Variants in TMEM35B observed in about 807,000 individuals in gnomAD.
TMEM35B encodes transmembrane protein 35B.
A neutral mutation model predicts 8.7 loss-of-function variants in TMEM35B; 6 were observed. That is an observed-to-expected ratio of 0.69 (90% confidence interval 0.38 to 1.36). TMEM35B has a LOEUF of 1.36. Among genes scored for constraint, TMEM35B ranks in the 40% most tolerant of loss-of-function variants. The pLI is 0.02. For missense variants in TMEM35B, 176 were observed against 181.6 expected, an observed-to-expected ratio of 0.97 and a Z score of 0.18; for synonymous variants, 89 against 87.0, an observed-to-expected ratio of 1.02 and a Z score of -0.13.
chr1:34,985,123 C>A, intron 1 of TMEM35B, 75 bp downstream of exon 1: 1 of 1,211,620 alleles, frequency 8.3e-7, no homozygotes, highest in Non-Finnish European at 1.1e-6. Flanking sequence ...CCTGCCGGGC[C>A]GGGGGCGAGG....
At chr1:34,985,292 A>T in exon 1 of TMEM35B, 1 of 1,535,048 alleles carries the variant, frequency 6.5e-7, no homozygotes, top group Non-Finnish European at 8.8e-7. Context: ...CAGCACCGAA[A>T]GCAGGAGCGC....
At chr1:34,984,635 G>A (rs977041638) in intron 1 of TMEM35B, among the ~76,000 whole-genome samples, 1 of 152,184 alleles carries the variant, frequency 6.6e-6, no homozygotes, top group African/African-American at 2.4e-5. Flanking sequence ...CTAGACAGAA[G>A]GCTGAAAGAC....
At chr1:34,983,306 T>C (rs1268831806) in intron 2 of TMEM35B, among the ~76,000 whole-genome samples, 3 of 152,016 alleles carry the variant, frequency 2.0e-5, no homozygotes, top group East Asian at 1.9e-4. Flanking sequence ...AGGCCGGGCA[T>C]AGTGGCTCAA....
chr1:34,984,297 C>T (rs991935637), intron 1 of TMEM35B, among the ~76,000 whole-genome samples: 3 of 152,204 alleles, frequency 2.0e-5, no homozygotes, highest in Admixed American at 1.3e-4. Context: ...TGTGTCTGGC[C>T]TGGTTTCTCT....
intron 1 of TMEM35B, among the ~76,000 whole-genome samples, chr1:34,984,934 T>C (rs1287307206): frequency 6.6e-6 from 1 of 152,014 alleles, no homozygotes; most frequent in Non-Finnish European, 1.5e-5. Flanking sequence ...GGGAGGGACC[T>C]CCTAAGGCTC....
At chr1:34,984,032 G>C (rs981570555) in intron 1 of TMEM35B, 85 bp from the exon 2 acceptor site, 2 of 1,269,888 alleles carry the variant, frequency 1.6e-6, no homozygotes, top group African/African-American at 3.1e-5. Context: ...CTATGCCTGT[G>C]CCCTCAACTT....
At chr1:34,983,081 C>T (rs1215117465) in intron 2 of TMEM35B, among the ~76,000 whole-genome samples, 4 of 152,150 alleles carry the variant, frequency 2.6e-5, no homozygotes, top group Non-Finnish European at 5.9e-5. Context: ...CTTCCCTGCT[C>T]TCTACACCAA....
intron 1 of TMEM35B, 78 bp from the exon 2 acceptor site, chr1:34,984,025 T>C (rs1640535561): frequency 7.6e-7 from 1 of 1,315,264 alleles, no homozygotes; most frequent in Non-Finnish European, 9.9e-7. Context: ...GGCATATCTA[T>C]GCCTGTGCCC....
chr1:34,983,728 C>A (rs928255436), intron 2 of TMEM35B, 39 bp downstream of exon 2: 7 of 1,432,746 alleles, frequency 4.9e-6, no homozygotes, highest in East Asian at 2.7e-5. Flanking sequence ...AATCCTCCCC[C>A]AGAAGACCCC....
chr1:34,983,183 T>G (rs921778805), intron 2 of TMEM35B, among the ~76,000 whole-genome samples: 5 of 152,190 alleles, frequency 3.3e-5, no homozygotes, highest in African/African-American at 1.2e-4. Flanking sequence ...GCGCTGAGCT[T>G]GCAATATATC....
chr1:34,985,179 G>A lies in TMEM35B; in HGVS notation c.108+19C>T, dbSNP rs1640554562. On this transcript the variant is annotated intron_variant, in intron 1 of 2. Transcript: ENST00000373337. ...GCCGCCGCGGGCCCGATCCCCTGCC[G>A]CCCGCCCGCGCCGCTCACCATCCGC... 1 of 1,522,816 alleles carries A rather than the reference G, an allele frequency of 6.6e-7. No homozygotes were observed. The highest frequency in any genetic ancestry group is 1.4e-5 in the African/African-American group (1 of 70,216). The allele number at this position is 1,522,816 out of a possible 1,614,324, so 94.3% of individuals were successfully genotyped here.
downstream of TMEM35B, chr1:34,981,490 A>T (rs539432639): frequency 6.6e-6 from 1 of 152,450 alleles, no homozygotes; most frequent in South Asian, 2.1e-4. Context: ...TTGCAATGGA[A>T]TACTATGCAG....
chr1:34,982,670 T>A (rs543005016), intron 2 of TMEM35B, among the ~76,000 whole-genome samples: 38 of 151,870 alleles, frequency 2.5e-4, no homozygotes, highest in African/African-American at 8.5e-4. Context: ...AGAGACGGGG[T>A]TTCATCATGT....
At chr1:34,982,020 A>T (rs1640511752) in exon 3 of TMEM35B, 1 of 1,550,514 alleles carries the variant, frequency 6.4e-7, no homozygotes, top group East Asian at 2.4e-5. Context: ...CTGGGCTAAG[A>T]GCTGGCCGAC....
chr1:34,981,934 C>T, exon 3 of TMEM35B: 1 of 1,524,200 alleles, frequency 6.6e-7, no homozygotes, highest in East Asian at 2.5e-5. Flanking sequence ...CATAAAGAGA[C>T]AGAGATGCTC....
chr1:34,985,113 C>A (rs1230712568), intron 1 of TMEM35B, 85 bp downstream of exon 1: 2 of 1,101,634 alleles, frequency 1.8e-6, no homozygotes, highest in Non-Finnish European at 2.4e-6. Context: ...CCGAAGGCGG[C>A]CTGCCGGGCC....
chr1:34,982,653 T>C (rs2148438008), intron 2 of TMEM35B, among the ~76,000 whole-genome samples: 1 of 152,078 alleles, frequency 6.6e-6, no homozygotes, highest in South Asian at 2.1e-4. Flanking sequence ...ATGTTTGTAT[T>C]TTTAGTAGAG....
intron 1 of TMEM35B, 109 bp downstream of exon 1, chr1:34,985,089 T>C (rs1640552128): frequency 1.4e-5 from 11 of 812,764 alleles, no homozygotes; most frequent in South Asian, 2.3e-5. Flanking sequence ...CAGCTCCAGC[T>C]GAGCCTCGGA....
chr1:34,983,998 C>A (rs746726093), intron 1 of TMEM35B, 51 bp from the exon 2 acceptor site: 106 of 1,404,770 alleles, frequency 7.5e-5, no homozygotes, highest in Middle Eastern at 1.9e-4. Flanking sequence ...CAAGGATGAG[C>A]TCCCCAGATG....
Sources: gnomAD v4.1 joint callset for allele counts (sites outside exome capture counted in the v4.1 genomes callset) on GRCh38, gnomAD v4.1.1 for gene constraint, MANE v1.5 for transcripts, NCBI Gene and HGNC (gene_info 2026-07-23, HGNC 2026-07-21) for gene names.